TEAD1: variants seen among roughly 807,000 people sequenced by gnomAD.
TEAD1 encodes the protein transcriptional enhancer factor TEF-1.
TEAD1 carries 9 observed loss-of-function variants against 54.9 expected under a neutral mutation model. The ratio of observed to expected loss-of-function variants is 0.16; its 90% CI spans 0.10 to 0.29. The LOEUF is 0.29. Among genes scored for constraint, TEAD1 ranks in the 10% least tolerant of loss-of-function variants. The pLI, the probability that TEAD1 is intolerant of heterozygous loss-of-function variation, is 1.00. For synonymous variants in TEAD1, 200 were observed against 187.8 expected (o/e 1.07, Z -0.53); for missense variants, 387 against 535.9 (o/e 0.72, Z 2.74).
At chr11:12,675,964 C>G (rs1045784563) in intron 2 of TEAD1, among the ~76,000 whole-genome samples, 9 of 152,098 alleles carry the variant, frequency 5.9e-5, no homozygotes, top group African/African-American at 2.2e-4. Context: ...GGCTTGTTAA[C>G]TTCTTAGAAG....
intron 5 of TEAD1, among the ~76,000 whole-genome samples, chr11:12,868,049 G>A (rs946429794): frequency 2.6e-5 from 4 of 152,208 alleles, no homozygotes; most frequent in East Asian, 1.9e-4. Context: ...TGTGAAGACC[G>A]AAACCAGACT....
intron 9 of TEAD1, among the ~76,000 whole-genome samples, chr11:12,901,733 C>A (rs1024533023): frequency 6.6e-6 from 1 of 152,164 alleles, no homozygotes; most frequent in Admixed American, 6.5e-5. Flanking sequence ...AAAATATATG[C>A]CCTTGTCAGT....
chr11:12,912,439 A>G (rs1166531560), intron 10 of TEAD1, among the ~76,000 whole-genome samples: 1 of 152,170 alleles, frequency 6.6e-6, no homozygotes, highest in Non-Finnish European at 1.5e-5. Context: ...GAATTTGGTC[A>G]GTGCAAGGGG....
chr11:12,838,950 G>C (rs187563592), intron 3 of TEAD1, among the ~76,000 whole-genome samples: 5 of 152,128 alleles, frequency 3.3e-5, no homozygotes, highest in African/African-American at 1.2e-4. Flanking sequence ...AATCTGTGCC[G>C]CTCAAACTGG....
At chr11:12,880,722 C>T (rs1338237646) in intron 6 of TEAD1, among the ~76,000 whole-genome samples, 1 of 152,212 alleles carries the variant, frequency 6.6e-6, no homozygotes, top group African/African-American at 2.4e-5. Context: ...CCCTGCAGCA[C>T]GCGCAGATCT....
At chr11:12,780,129 T>A (rs561170444) in intron 3 of TEAD1, among the ~76,000 whole-genome samples, 1 of 152,330 alleles carries the variant, frequency 6.6e-6, no homozygotes, top group East Asian at 1.9e-4. Context: ...CTGTCTCTAT[T>A]TGATCTTGTA....
At chr11:12,756,448 C>T (rs531999139) in intron 2 of TEAD1, among the ~76,000 whole-genome samples, 9 of 152,336 alleles carry the variant, frequency 5.9e-5, no homozygotes, top group Non-Finnish European at 1.3e-4. Flanking sequence ...TCTCAGGCCA[C>T]TTGTTAGCAA....
intron 10 of TEAD1, among the ~76,000 whole-genome samples, chr11:12,923,432 C>A (rs566893997): frequency 6.6e-6 from 1 of 152,190 alleles, no homozygotes; most frequent in Non-Finnish European, 1.5e-5. Context: ...ACCTCTCTCC[C>A]TGGTGCTTAG....
chr11:12,740,744 G>T (rs1944634521), intron 2 of TEAD1, among the ~76,000 whole-genome samples: 1 of 151,970 alleles, frequency 6.6e-6, no homozygotes, highest in Admixed American at 6.6e-5. Context: ...TGATTCAGTT[G>T]CCTCCCACCA....
At chr11:12,873,627 G>A (rs976960675) in intron 5 of TEAD1, among the ~76,000 whole-genome samples, 2 of 152,140 alleles carry the variant, frequency 1.3e-5, no homozygotes, top group South Asian at 2.1e-4. Context: ...TGTCCTCTGC[G>A]TTAGCTGTTA....
Position 12,684,697 on chromosome 11 carries a change from C to T in TEAD1, c.-55+9136C>T, listed in dbSNP as rs184188169. 7.2e-5 allele frequency among the ~76,000 whole-genome samples: 11 copies of T among 152,200 alleles called. No individual in the cohort carries two copies. The East Asian group carries it at 1.2e-3, about 16-fold the overall frequency. ...AGTTTAGATTAGGTAAGTGCTGGCT[C>T]GGTAGGCTAGAGCTGTAGGTGTGGC... On this transcript the variant is annotated intron_variant, in intron 2 of 12. Transcript: ENST00000527636.
chr11:12,709,543 G>T (rs1943890108), intron 2 of TEAD1, among the ~76,000 whole-genome samples: 3 of 152,038 alleles, frequency 2.0e-5, no homozygotes, highest in African/African-American at 7.2e-5. Context: ...TTTTAGAGAT[G>T]AGGGTCTTGC....
chr11:12,886,236 A>G (rs1318788056), intron 9 of TEAD1, among the ~76,000 whole-genome samples: 1 of 152,210 alleles, frequency 6.6e-6, no homozygotes, highest in Non-Finnish European at 1.5e-5. Context: ...GAGGCCAGAG[A>G]TAAGTGTTTC....
chr11:12,763,016 C>G (rs910283927), intron 2 of TEAD1, among the ~76,000 whole-genome samples: 2 of 152,032 alleles, frequency 1.3e-5, no homozygotes, highest in African/African-American at 4.8e-5. Flanking sequence ...TCTTTTCGAT[C>G]AATCCTTTCT....
At chr11:12,777,452 G>C (rs1275391386) in intron 3 of TEAD1, among the ~76,000 whole-genome samples, 1 of 152,174 alleles carries the variant, frequency 6.6e-6, no homozygotes, top group Non-Finnish European at 1.5e-5. Context: ...TCTCTTAGAT[G>C]AATGGTTCTA....
intron 3 of TEAD1, among the ~76,000 whole-genome samples, chr11:12,855,912 C>T (rs1947366288): frequency 1.3e-5 from 2 of 150,304 alleles, no homozygotes; most frequent in Non-Finnish European, 3.0e-5. Context: ...CATGCCACTG[C>T]ACTCCAGCCT....
At chr11:12,761,293 C>T (rs1191816934) in intron 2 of TEAD1, among the ~76,000 whole-genome samples, 1 of 152,166 alleles carries the variant, frequency 6.6e-6, no homozygotes, top group African/African-American at 2.4e-5. Context: ...GTTCAAGTAG[C>T]AGAAATTTTT....
At chr11:12,709,413 A>AT (rs1323774776) in intron 2 of TEAD1, among the ~76,000 whole-genome samples, 7 of 151,414 alleles carry the variant, frequency 4.6e-5, no homozygotes, top group East Asian at 3.9e-4. Context: ...TTGAATTTTA[A>AT]TTTTTTTTTA....
rs569887752 is a variant in TEAD1, at chr11:12,758,515, A to G, written c.-54-5664A>G. On this transcript the variant is annotated intron_variant, in intron 2 of 12. Transcript: ENST00000527636. ...AAGCTCCACCTCCCAGGTTCACGCC[A>G]TTCTCCCACCTCAGCCTCCTGAGTA... Among the ~76,000 whole-genome samples, 5 of 146,010 alleles carry G rather than the reference A, an allele frequency of 3.4e-5. No homozygotes were observed. The South Asian group carries it at 1.1e-3, about 31-fold the overall frequency.
Sources: gnomAD v4.1 joint callset for allele counts (sites outside exome capture counted in the v4.1 genomes callset) on GRCh38, gnomAD v4.1.1 for gene constraint, MANE v1.5 for transcripts, NCBI Gene and HGNC (gene_info 2026-07-23, HGNC 2026-07-21) for gene names.